ZNF469: variants seen among roughly 807,000 people sequenced by gnomAD.
ZNF469 encodes zinc finger protein 469.
Under a neutral mutation model 1.0 loss-of-function variants are expected in ZNF469, and 1 was observed. The observed-to-expected ratio is 1.00, with a 90% CI of 0.35 to 4.73. ZNF469 has a LOEUF of 4.73. ZNF469 is among the 30% of genes most tolerant of loss of function. ZNF469 has a pLI of 0.16. For synonymous variants in ZNF469, 2,703 were observed against 2,363.4 expected (o/e 1.14, Z -4.17); for missense variants, 6,100 against 5,356.3 (o/e 1.14, Z -4.33).
At chr16:88,159,749 T>A in the ZNF469 span, among the ~76,000 whole-genome samples, 1 of 152,220 alleles carries the variant, frequency 6.6e-6, no homozygotes, top group African/African-American at 2.4e-5. Flanking sequence ...CCTCCCGTTG[T>A]GCAATGGCTT....
At chr16:88,372,278 T>C in the ZNF469 span, among the ~76,000 whole-genome samples, 128 of 5,606 alleles carry the variant, frequency 0.023, 1 homozygote, top group Non-Finnish European at 0.026. Flanking sequence ...ATCACCATCA[T>C]CACCATCACT....
chr16:88,168,349 T>TC, the ZNF469 span, among the ~76,000 whole-genome samples: 6 of 152,124 alleles, frequency 3.9e-5, no homozygotes, highest in Admixed American at 6.5e-5. This position sits in a 1 kb window ranked among gnomAD's most constrained non-coding sequence, Gnocchi z 4.3. Flanking sequence ...TGAACTGGTT[T>TC]TTTTCCCCAC....
At chr16:88,171,296 C>T in the ZNF469 span, among the ~76,000 whole-genome samples, 1 of 152,190 alleles carries the variant, frequency 6.6e-6, no homozygotes, top group Non-Finnish European at 1.5e-5. Context: ...CCACCTGTTC[C>T]AGGAGCATGT....
At chr16:88,334,028 G>C in the ZNF469 span, among the ~76,000 whole-genome samples, 6 of 151,720 alleles carry the variant, frequency 4.0e-5, no homozygotes, top group Admixed American at 3.9e-4. Context: ...GTGTGTCTGT[G>C]TGTGCATGTG....
At chr16:88,391,136 G>C (rs990816616) in intron 1 of ZNF469, among the ~76,000 whole-genome samples, 1 of 152,260 alleles carries the variant, frequency 6.6e-6, no homozygotes, top group African/African-American at 2.4e-5. Flanking sequence ...CCGGGAGACT[G>C]TGGCCAAGTC....
chr16:88,394,771 G>C (rs1014749687), intron 1 of ZNF469, among the ~76,000 whole-genome samples: 3 of 152,234 alleles, frequency 2.0e-5, no homozygotes, highest in Admixed American at 2.0e-4. Flanking sequence ...GCCTCTCAGA[G>C]CGTGACAACA....
At chr16:88,319,774 C>T in the ZNF469 span, among the ~76,000 whole-genome samples, 1 of 152,254 alleles carries the variant, frequency 6.6e-6, no homozygotes, top group Admixed American at 6.5e-5. Context: ...GGCCTCCCTG[C>T]AGCCCAGCTT....
intron 1 of ZNF469, among the ~76,000 whole-genome samples, chr16:88,401,962 GGGTGGATGGATA>G (rs1181967129): frequency 0.027 from 1,138 of 42,108 alleles, 3 homozygotes; most frequent in African/African-American, 0.04. Context: ...GAAGATGGAT[GGGTGGATGGATA>G]GATACGTGGG....
At chr16:88,259,894 C>A in the ZNF469 span, among the ~76,000 whole-genome samples, 3 of 152,070 alleles carry the variant, frequency 2.0e-5, no homozygotes, top group Non-Finnish European at 4.4e-5. The surrounding 1 kb of genome is among the most constrained non-coding windows in gnomAD (Gnocchi z 4.1). Context: ...AAGCCCCATC[C>A]GGACATTTAC....
At chr16:88,116,287 T>C in the ZNF469 span, among the ~76,000 whole-genome samples, 1 of 152,054 alleles carries the variant, frequency 6.6e-6, no homozygotes, top group Non-Finnish European at 1.5e-5. Flanking sequence ...CACACCCCCA[T>C]GAGGACGGCC....
chr16:88,351,849 G>C, the ZNF469 span, among the ~76,000 whole-genome samples: 1 of 152,260 alleles, frequency 6.6e-6, no homozygotes. Flanking sequence ...GAAATGACAA[G>C]TGGTGCCGTG....
chr16:88,435,696 A>G lies in ZNF469; in HGVS notation c.8226A>G (p.Glu2742=). ...PGRMDGAALG[E]QPTGQKGASA... Reference sequence around the variant, plus strand: ...GGATGGATGGTGCAGCTCTGGGGGAACAGCCAACTGGGCAGAAGGGAGCCT... The same window carrying G: ...GGATGGATGGTGCAGCTCTGGGGGAGCAGCCAACTGGGCAGAAGGGAGCCT... The change falls in exon 3 of 3, where the codon GAA becomes GAG. Residue 2742 remains glutamate, a synonymous_variant. Transcript: ENST00000565624. 1.3e-6 allele frequency: 2 copies of G among 1,550,670 alleles called. No homozygotes were observed. Among genetic ancestry groups the G allele is most frequent in the Non-Finnish European group, 1.7e-6 (2 of 1,146,994 alleles).
chr16:88,368,410 C>T, the ZNF469 span, among the ~76,000 whole-genome samples: 6 of 152,314 alleles, frequency 3.9e-5, no homozygotes, highest in Non-Finnish European at 8.8e-5. Context: ...GGGGGTTCTG[C>T]GAGGTGGGGG....
At chr16:88,285,987 C>G in the ZNF469 span, among the ~76,000 whole-genome samples, 39 of 152,366 alleles carry the variant, frequency 2.6e-4, no homozygotes, top group Admixed American at 1.2e-3. Context: ...CCATCGGACC[C>G]ACAGCCCGGA....
At chr16:88,316,545 C>CTTTTTTTTTTTTTTTTT in the ZNF469 span, among the ~76,000 whole-genome samples, 1 of 101,012 alleles carries the variant, frequency 9.9e-6, no homozygotes, top group African/African-American at 4.2e-5. Flanking sequence ...TAGGTGCTGT[C>CTTTTTTTTTTTTTTTTT]TTTTTTTTTT....
rs1905634623 is a variant in ZNF469 at position 88,424,928 on chromosome 16, G to A, written c.-127+57G>A. Among the ~76,000 whole-genome samples, 1 of 152,140 alleles carries A rather than the reference G, an allele frequency of 6.6e-6. No homozygotes were observed. Among genetic ancestry groups the A allele is most frequent in the African/African-American group, 2.4e-5 (1 of 41,430 alleles). ...GGCCACAGATGCTCTGGTCTTGATGGTCCTGAGGCCCCCTCCGCCCCCACC... is the reference window on the plus strand; with the variant it reads ...GGCCACAGATGCTCTGGTCTTGATGATCCTGAGGCCCCCTCCGCCCCCACC... On this transcript the variant is annotated intron_variant, in intron 2 of 2. Coordinates refer to ENST00000565624, the MANE Select transcript of ZNF469 (RefSeq NM_001367624.2). This position sits in a 1 kb window ranked among gnomAD's most constrained non-coding sequence, Gnocchi z 4.3.
the ZNF469 span, among the ~76,000 whole-genome samples, chr16:88,311,205 C>T: frequency 6.6e-6 from 1 of 152,212 alleles, no homozygotes; most frequent in Admixed American, 6.5e-5. Context: ...GTGCCCATCT[C>T]ACCACATCCC....
chr16:88,183,592 A>T, the ZNF469 span, among the ~76,000 whole-genome samples: 7,557 of 152,206 alleles, frequency 0.05, 285 homozygotes, highest in East Asian at 0.092. Flanking sequence ...TGTAGGACCG[A>T]GGAGAGACAG....
the ZNF469 span, among the ~76,000 whole-genome samples, chr16:88,131,403 G>C: frequency 6.7e-6 from 1 of 149,928 alleles, no homozygotes; most frequent in Non-Finnish European, 1.5e-5. Context: ...CCTTCCCGGG[G>C]CCTGTTTGTT....
Sources: gnomAD v4.1 joint callset for allele counts (sites outside exome capture counted in the v4.1 genomes callset) on GRCh38, gnomAD v4.1.1 for gene constraint, Gnocchi (gnomAD v3.1) non-coding constraint, MANE v1.5 for transcripts, NCBI Gene and HGNC (gene_info 2026-07-23, HGNC 2026-07-21) for gene names.